The following ROBO2 variants were observed in gnomAD, a reference collection of about 807,000 sequenced individuals.
The protein encoded by ROBO2 is roundabout guidance receptor 2.
In ROBO2, 53 loss-of-function variants were observed where a neutral mutation model predicts 160.8. The observed-to-expected ratio is 0.33, with a 90% CI of 0.26 to 0.41. The LOEUF is 0.41. Ranked by LOEUF, ROBO2 falls within the 10% of genes least tolerant of loss-of-function variation. The pLI is 1.00. For synonymous variants in ROBO2, 664 were observed against 611.7 expected (o/e 1.09, Z -1.26); for missense variants, 1,577 against 1,722.4 (o/e 0.92, Z 1.49).
At chr3:76,677,174 G>T in intron 2 of ROBO2, among the ~76,000 whole-genome samples, 1 of 151,962 alleles carries the variant, frequency 6.6e-6, no homozygotes, top group East Asian at 1.9e-4. Flanking sequence ...TACCCAAACA[G>T]TGTACCCAGG....
At chr3:76,028,561 T>TG (rs1390610973) in intron 2 of ROBO2, among the ~76,000 whole-genome samples, 5 of 151,902 alleles carry the variant, frequency 3.3e-5, no homozygotes, top group African/African-American at 1.2e-4. Flanking sequence ...AAACAGACAT[T>TG]GAAAATCTCC....
chr3:77,445,070 T>A (rs1236113847), intron 2 of ROBO2, among the ~76,000 whole-genome samples: 1 of 152,100 alleles, frequency 6.6e-6, no homozygotes, highest in Non-Finnish European at 1.5e-5. Context: ...TTTGGTGACG[T>A]CAACTGCCAT....
chr3:76,438,822 A>G (rs1336968180), intron 2 of ROBO2, among the ~76,000 whole-genome samples: 1 of 152,096 alleles, frequency 6.6e-6, no homozygotes, highest in African/African-American at 2.4e-5. Flanking sequence ...TTCAATGAAT[A>G]AAGAAAATTT....
At chr3:76,057,320 A>G (rs1385009751) in intron 2 of ROBO2, among the ~76,000 whole-genome samples, 3 of 152,156 alleles carry the variant, frequency 2.0e-5, no homozygotes, top group African/African-American at 7.2e-5. Context: ...TCAGTAATTC[A>G]ATAAGTATGA....
At chr3:76,434,386 C>A (rs2109044150) in intron 2 of ROBO2, 4 of 1,550,998 alleles carry the variant, frequency 2.6e-6, no homozygotes, top group East Asian at 2.2e-5. Flanking sequence ...TGTTTAATCA[C>A]CTGTCAGCTG....
At chr3:77,103,125 T>A (rs1293679902) in intron 2 of ROBO2, among the ~76,000 whole-genome samples, 1 of 152,176 alleles carries the variant, frequency 6.6e-6, no homozygotes, top group Non-Finnish European at 1.5e-5. Context: ...ACAGAGATTG[T>A]AGCTGCCTGT....
intron 2 of ROBO2, among the ~76,000 whole-genome samples, chr3:76,186,383 C>T (rs1486505948): frequency 6.6e-6 from 1 of 152,112 alleles, no homozygotes; most frequent in East Asian, 1.9e-4. Flanking sequence ...CCATAATGTA[C>T]TTGCCCTCAA....
chr3:76,609,073 C>T (rs1254704862), intron 2 of ROBO2, among the ~76,000 whole-genome samples: 1 of 152,176 alleles, frequency 6.6e-6, no homozygotes, highest in African/African-American at 2.4e-5. Flanking sequence ...GATAAATGGC[C>T]TCCAGCTCCA....
chr3:77,065,534 C>A (rs1376878189), intron 1 of ROBO2, among the ~76,000 whole-genome samples: 1 of 152,088 alleles, frequency 6.6e-6, no homozygotes, highest in Non-Finnish European at 1.5e-5. Flanking sequence ...AGTCAGATGT[C>A]ATTTGAGTAT....
chr3:76,048,675 A>G (rs545977480), intron 2 of ROBO2, among the ~76,000 whole-genome samples: 5 of 152,296 alleles, frequency 3.3e-5, no homozygotes, highest in African/African-American at 7.2e-5. Context: ...ATCACAACCT[A>G]TGATCCATCC....
chr3:77,012,718 T>C (rs1441428135), intron 2 of ROBO2, among the ~76,000 whole-genome samples: 1 of 152,210 alleles, frequency 6.6e-6, no homozygotes, highest in Non-Finnish European at 1.5e-5. Flanking sequence ...AATACACTTT[T>C]AAAAATTCAG....
chr3:76,888,616 G>A (rs1349819244), intron 2 of ROBO2, among the ~76,000 whole-genome samples: 1 of 152,132 alleles, frequency 6.6e-6, no homozygotes, highest in East Asian at 1.9e-4. Flanking sequence ...ATAGTATATA[G>A]GAAAAATTGT....
chr3:76,297,783 GAA>G (rs1709153517), intron 2 of ROBO2, among the ~76,000 whole-genome samples: 1 of 146,802 alleles, frequency 6.8e-6, no homozygotes, highest in African/African-American at 2.5e-5. Flanking sequence ...AAACTTCTGA[GAA>G]AAACATAAGC....
intron 2 of ROBO2, among the ~76,000 whole-genome samples, chr3:76,975,068 A>C (rs2059749241): frequency 6.6e-6 from 1 of 152,218 alleles, no homozygotes; most frequent in Non-Finnish European, 1.5e-5. Context: ...TTACATGTAA[A>C]TACGTGTGAA....
chr3:76,029,139 A>G (rs1559847645), intron 2 of ROBO2, among the ~76,000 whole-genome samples: 1 of 152,080 alleles, frequency 6.6e-6, no homozygotes, highest in Non-Finnish European at 1.5e-5. Flanking sequence ...GAGGAAAAGA[A>G]TTCTATCAAG....
chr3:76,482,556 G>C (rs2079269445), intron 2 of ROBO2, among the ~76,000 whole-genome samples: 1 of 152,058 alleles, frequency 6.6e-6, no homozygotes. Context: ...TTTTCCAAAA[G>C]GTTAGGTAAC....
At chr3:77,580,479 T>C in intron 16 of ROBO2, among the ~76,000 whole-genome samples, 1 of 152,168 alleles carries the variant, frequency 6.6e-6, no homozygotes, top group East Asian at 1.9e-4. Context: ...GTATGCTTCC[T>C]CTTAGTCAGA....
intron 2 of ROBO2, among the ~76,000 whole-genome samples, chr3:76,570,785 A>G (rs2084908864): frequency 6.6e-6 from 1 of 152,186 alleles, no homozygotes; most frequent in Non-Finnish European, 1.5e-5. Flanking sequence ...CTTTTTACTT[A>G]AAGTCATCCA....
chr3:76,069,586 C>T (rs998093178), intron 2 of ROBO2, among the ~76,000 whole-genome samples: 1 of 149,542 alleles, frequency 6.7e-6, no homozygotes, highest in African/African-American at 2.5e-5. Context: ...AAATAACTGA[C>T]TTAGAAATTA....
Sources: gnomAD v4.1 joint callset for allele counts (sites outside exome capture counted in the v4.1 genomes callset) on GRCh38, gnomAD v4.1.1 for gene constraint, MANE v1.5 for transcripts, NCBI Gene and HGNC (gene_info 2026-07-23, HGNC 2026-07-21) for gene names.